The following NTM variants were observed in gnomAD, a reference collection of about 807,000 sequenced individuals.
The protein encoded by NTM is neurotrimin, also known as IgLON family member 2.
In NTM, 13 loss-of-function variants were observed where a neutral mutation model predicts 42.1. That is an observed-to-expected ratio of 0.31 (90% CI 0.20 to 0.49). The LOEUF (loss-of-function observed/expected upper bound fraction) is 0.49, where lower values mean the gene tolerates loss of function less well. Among genes scored for constraint, NTM ranks in the 20% least tolerant of loss-of-function variants. The pLI, the probability that NTM is intolerant of heterozygous loss-of-function variation, is 0.99. For missense variants in NTM, 373 were observed against 452.8 expected, an observed-to-expected ratio of 0.82 and a Z score of 1.60; for synonymous variants, 187 against 179.2, an observed-to-expected ratio of 1.04 and a Z score of -0.35.
intron 1 of NTM, among the ~76,000 whole-genome samples, chr11:131,820,004 G>A (rs2093116471): frequency 6.6e-6 from 1 of 152,170 alleles, no homozygotes; most frequent in South Asian, 2.1e-4. Flanking sequence ...CCATTTTTGA[G>A]TGACAAAGCC....
chr11:131,460,711 C>T (rs1407960882), intron 1 of NTM, among the ~76,000 whole-genome samples: 1 of 152,144 alleles, frequency 6.6e-6, no homozygotes, highest in Non-Finnish European at 1.5e-5. Flanking sequence ...CACCACCACG[C>T]CTGGCTAATT....
rs186637107 is a variant in NTM at position 132,086,030 on chromosome 11, A to G, written c.168-60252A>G. On this transcript the variant is annotated intron_variant, in intron 2 of 8. Transcript: ENST00000683400. ...TAGGGCCTTTCATACATGCATTAAG[A>G]GTGGCAAGACAAGGCAGGGCACGGT... 1.5e-3 allele frequency among the ~76,000 whole-genome samples: 221 copies of G among 152,248 alleles called. 1 individual carries two copies. The highest frequency in any genetic ancestry group is 5.2e-3 in the African/African-American group (218 of 41,560).
At chr11:131,645,528 A>G (rs1007427485) in intron 1 of NTM, among the ~76,000 whole-genome samples, 1 of 152,224 alleles carries the variant, frequency 6.6e-6, no homozygotes, top group Non-Finnish European at 1.5e-5. Context: ...CAGGAAATCT[A>G]TTCTTTCCCC....
At chr11:132,210,035 A>G (rs552261716) in intron 3 of NTM, among the ~76,000 whole-genome samples, 1 of 152,282 alleles carries the variant, frequency 6.6e-6, no homozygotes, top group Non-Finnish European at 1.5e-5. Flanking sequence ...AGTAGAGGCA[A>G]GACCAGCATT....
intron 1 of NTM, chr11:131,660,178 C>T (rs895327199): frequency 2.9e-5 from 7 of 243,176 alleles, no homozygotes; most frequent in South Asian, 1.7e-4. Context: ...CAAAGTGTCC[C>T]GTAGGACTCG....
At chr11:132,321,427 G>A (rs1227330506) in intron 7 of NTM, among the ~76,000 whole-genome samples, 1 of 152,114 alleles carries the variant, frequency 6.6e-6, no homozygotes, top group African/African-American at 2.4e-5. Flanking sequence ...AAGGGTATCA[G>A]CAATGGAAGA....
At chr11:131,801,449 G>C (rs1209003749) in intron 1 of NTM, among the ~76,000 whole-genome samples, 1 of 152,264 alleles carries the variant, frequency 6.6e-6, no homozygotes, top group East Asian at 1.9e-4. Context: ...TCCTGAGGAA[G>C]CCTCAGTATC....
intron 2 of NTM, among the ~76,000 whole-genome samples, chr11:131,944,391 G>C (rs953371973): frequency 6.6e-6 from 1 of 152,336 alleles, no homozygotes; most frequent in Admixed American, 6.5e-5. Flanking sequence ...GCAGGAGGGG[G>C]CTCAGGCAGG....
chr11:132,284,479 T>C (rs1020689371), intron 4 of NTM: 1 of 153,296 alleles, frequency 6.5e-6, no homozygotes, highest in South Asian at 2.0e-4. Context: ...TTTAACTGCA[T>C]GACCTACTTA....
chr11:131,399,898 G>A (rs978490044), intron 1 of NTM, among the ~76,000 whole-genome samples: 6 of 152,048 alleles, frequency 3.9e-5, no homozygotes, highest in Admixed American at 1.3e-4. Flanking sequence ...CTGTCATGGC[G>A]GGAAAAGTAA....
chr11:131,488,090 T>C (rs1954378829), intron 1 of NTM, among the ~76,000 whole-genome samples: 1 of 152,182 alleles, frequency 6.6e-6, no homozygotes, highest in Non-Finnish European at 1.5e-5. Context: ...CCAGACTCTA[T>C]ACCTACAGGG....
In NTM at chr11:131,466,152, G is replaced by A. The variant is rs143618733; in HGVS notation, c.82+95264G>A. ...GAGCCTGCCCGACCCTGACAGCCAA[G>A]GATTGTGCCCGTCGAAGGAGCCCAC... On this transcript the variant is annotated intron_variant, in intron 1 of 8. Transcript: ENST00000683400. Among the ~76,000 whole-genome samples the A allele has an allele frequency of 3.3e-3, 503 of 152,298 alleles. 4 individuals carry two copies. Among genetic ancestry groups the A allele is most frequent in the African/African-American group, 0.012 (480 of 41,564 alleles).
chr11:131,680,292 T>C (rs1341160803), intron 1 of NTM, among the ~76,000 whole-genome samples: 1 of 151,724 alleles, frequency 6.6e-6, no homozygotes, highest in African/African-American at 2.4e-5. Context: ...AACATGGGAA[T>C]ACCTAATAAC....
intron 1 of NTM, among the ~76,000 whole-genome samples, chr11:131,772,231 A>T (rs1345798108): frequency 6.6e-6 from 1 of 152,158 alleles, no homozygotes; most frequent in Admixed American, 6.5e-5. Flanking sequence ...ACACACGTTC[A>T]TTGTTATAGA....
At position 131,983,052 on chromosome 11, in the gene NTM, ATT is replaced by A. The variant is rs11418861; in HGVS notation, c.167+71418_167+71419del. On this transcript the variant is annotated intron_variant, in intron 2 of 8. Transcript: ENST00000683400. ...TTCCTTAGCTACTCAAAGGAAAATG[ATT>A]TTTTTTTTTTTTTAGTCATACTACA... 2.8e-5 allele frequency among the ~76,000 whole-genome samples: 4 copies of A among 145,396 alleles called. No individual in the cohort carries two copies. In the South Asian group the frequency reaches 6.7e-4, roughly 24 times the overall value.
intron 1 of NTM, among the ~76,000 whole-genome samples, chr11:131,538,941 T>TTTA (rs1555144439): frequency 7.1e-6 from 1 of 141,272 alleles, no homozygotes. Context: ...TTTTTTTTTT[T>TTTA]AATTTTTTTG....
chr11:131,617,995 C>T (rs1254295700), intron 1 of NTM, among the ~76,000 whole-genome samples: 1 of 152,118 alleles, frequency 6.6e-6, no homozygotes, highest in East Asian at 1.9e-4. Context: ...TCTGATGTGG[C>T]CTGGGCTACA....
chr11:131,566,679 A>C (rs2056923376), intron 1 of NTM, among the ~76,000 whole-genome samples: 1 of 152,194 alleles, frequency 6.6e-6, no homozygotes, highest in Non-Finnish European at 1.5e-5. Flanking sequence ...GCACAACTTT[A>C]AACCGATTAA....
chr11:132,009,037 G>A (rs913052419), intron 2 of NTM, among the ~76,000 whole-genome samples: 1 of 152,124 alleles, frequency 6.6e-6, no homozygotes, highest in African/African-American at 2.4e-5. Flanking sequence ...CAGCGCTGTG[G>A]GGAATGTGTC....
Sources: allele counts gnomAD v4.1 joint callset (sites outside exome capture counted in the v4.1 genomes callset), GRCh38; gene constraint gnomAD v4.1.1; transcripts MANE v1.5; gene names NCBI Gene and HGNC (gene_info 2026-07-23, HGNC 2026-07-21).